The following EDARADD variants were observed in gnomAD, a reference collection of about 807,000 sequenced individuals.
EDARADD encodes the protein ectodysplasin-A receptor-associated adapter protein.
Under a neutral mutation model 25.6 loss-of-function variants are expected in EDARADD, and 20 were observed. That is an observed-to-expected ratio of 0.78 (90% CI 0.55 to 1.14). The LOEUF is 1.14. EDARADD is among the 50% of genes most tolerant of loss of function. The pLI, the probability that EDARADD is intolerant of heterozygous loss-of-function variation, is 0.00. For missense variants in EDARADD, 225 were observed against 270.1 expected, an observed-to-expected ratio of 0.83 and a Z score of 1.17; for synonymous variants, 86 against 94.4, an observed-to-expected ratio of 0.91 and a Z score of 0.52.
chr1:236,368,688 C>T (rs1212930561), intron 3 of EDARADD, among the ~76,000 whole-genome samples: 1 of 152,176 alleles, frequency 6.6e-6, no homozygotes, highest in African/African-American at 2.4e-5. Flanking sequence ...GATCCATCCA[C>T]CTCGGCCTCC....
At position 236,483,823 on chromosome 1, in the gene EDARADD, A is replaced by G. The variant is rs61511776; in HGVS notation, c.*1174A>G. 2,273 of 1,436,348 alleles carry G rather than the reference A, an allele frequency of 1.6e-3. 39 individuals are homozygous for G. In the African/African-American group the frequency reaches 0.026, roughly 17 times the overall value. 89.0% of individuals were successfully genotyped at this position (1,436,348 alleles called of 1,614,324 possible). On this transcript the variant is annotated 3_prime_UTR_variant, in exon 6 of 6. Coordinates refer to ENST00000334232, the MANE Select transcript of EDARADD (RefSeq NM_145861.4). ...GCGTTTGCTCCCAACATCCTGGAGA[A>G]TAAAGAAGGCCTGGAGCTGCTGAAG...
intron 3 of EDARADD, among the ~76,000 whole-genome samples, chr1:236,360,537 G>GATTTTTTTTTTTT (rs1558100082): frequency 7.6e-6 from 1 of 131,266 alleles, no homozygotes. Flanking sequence ...TTAATTCACG[G>GATTTTTTTTTTTT]TTTTTTTTTT....
rs781199161 is a variant in EDARADD, at chr1:236,482,647, T to C, written c.646T>C (p.Ter216GlnextTer13). ...GCGTGGAGACCCCTCCAGGCACTTC[T>C]AGAGCTCTTCTTCTTCCTTCATTGG... The part of the protein sequence containing the change: ...RERGDPSRHF[*>Q] Residue 216 changes from the stop codon to glutamine (Q), a stop_lost, in exon 6 of 6, where the codon TAG (stop) becomes CAG (glutamine). Transcript: ENST00000334232. The C allele has an allele frequency of 2.5e-6, 4 of 1,611,648 alleles. No homozygotes were observed. The highest frequency in any genetic ancestry group is 1.7e-5 in the Admixed American group (1 of 60,008).
At position 236,395,002 on chromosome 1, in the gene EDARADD, T is replaced by C. The variant is rs1051913834; in HGVS notation, c.61+497T>C. Reference sequence around the variant, plus strand: ...AACTAATGCCAAAGAAAAATCAAAATAGAAAGTACCAGCGTGTGCCATCAT... The same window carrying C: ...AACTAATGCCAAAGAAAAATCAAAACAGAAAGTACCAGCGTGTGCCATCAT... On this transcript the variant is annotated intron_variant, in intron 1 of 5. Transcript: ENST00000334232. This position sits in a 1 kb window ranked among gnomAD's most constrained non-coding sequence, Gnocchi z 6.9. Among the ~76,000 whole-genome samples the C allele has an allele frequency of 5.9e-5, 9 of 152,170 alleles. No individual in the cohort carries two copies. Among genetic ancestry groups the C allele is most frequent in the Admixed American group, 2.0e-4 (3 of 15,288 alleles).
At position 236,483,537 on chromosome 1, in the gene EDARADD, G is replaced by A. The variant is rs1389330004; in HGVS notation, c.*888G>A. On this transcript the variant is annotated 3_prime_UTR_variant, in exon 6 of 6. Transcript: ENST00000334232. ...CGCTGCCTGCAAAGCTAGTGCTGTT[G>A]AGAAGGGGGTTCCCCTGTACCACCA... 24 of 1,119,022 alleles carry A rather than the reference G, an allele frequency of 2.1e-5. No individual in the cohort carries two copies. The highest frequency in any genetic ancestry group is 2.9e-5 in the Non-Finnish European group (21 of 731,176). 69.3% of individuals were successfully genotyped at this position (1,119,022 alleles called of 1,614,324 possible). A position where few individuals can be genotyped will look rare whatever the true frequency, so the allele number is the denominator to read the frequency against.
chr1:236,483,108 C>T lies in EDARADD; in HGVS notation c.*459C>T. 3 of 1,172,194 alleles carry T rather than the reference C, an allele frequency of 2.6e-6. No homozygotes were observed. The highest frequency in any genetic ancestry group is 3.8e-6 in the Non-Finnish European group (3 of 795,424). 72.6% of individuals were successfully genotyped at this position (1,172,194 alleles called of 1,614,324 possible). On this transcript the variant is annotated 3_prime_UTR_variant, in exon 6 of 6. Transcript: ENST00000334232. ...CTACAAGGAATGCTTACCTGAGTGTCTGCAGCACCCTCCACTTCTCTCCTA... is the reference window on the plus strand; with the variant it reads ...CTACAAGGAATGCTTACCTGAGTGTTTGCAGCACCCTCCACTTCTCTCCTA...
intron 1 of EDARADD, among the ~76,000 whole-genome samples, chr1:236,407,339 A>C (rs931863742): frequency 3.3e-5 from 5 of 152,120 alleles, no homozygotes. Context: ...ATCCTGCTCC[A>C]TGGGAGGCAA....
At chr1:236,466,622 T>C (rs1659198108) in intron 4 of EDARADD, among the ~76,000 whole-genome samples, 2 of 152,118 alleles carry the variant, frequency 1.3e-5, no homozygotes, top group Admixed American at 6.6e-5. Context: ...TGGTAACACA[T>C]GGGAATGTGC....
intron 3 of EDARADD, among the ~76,000 whole-genome samples, chr1:236,359,268 A>G (rs1248067415): frequency 6.6e-6 from 1 of 152,200 alleles, no homozygotes; most frequent in Non-Finnish European, 1.5e-5. Flanking sequence ...AAATTCCTAT[A>G]TTAAAAATGT....
At chr1:236,393,902 TA>T (rs1408149136), upstream of EDARADD, among the ~76,000 whole-genome samples, 1 of 150,634 alleles carries the variant, frequency 6.6e-6, no homozygotes, top group Non-Finnish European at 1.5e-5. Flanking sequence ...ATGGGAAAAA[TA>T]AAGGTAATGA....
chr1:236,415,020 G>A (rs562398340), intron 3 of EDARADD, among the ~76,000 whole-genome samples: 1 of 152,272 alleles, frequency 6.6e-6, no homozygotes, highest in East Asian at 1.9e-4. Flanking sequence ...TTCCCCCCGT[G>A]GAGGGAAAGA....
intron 4 of EDARADD, among the ~76,000 whole-genome samples, chr1:236,454,074 C>T (rs1658784726): frequency 6.6e-6 from 1 of 152,084 alleles, no homozygotes; most frequent in East Asian, 1.9e-4. Context: ...GAGACAGAGT[C>T]TCGCTCTGTT....
chr1:236,410,141 G>T (rs990519789), intron 2 of EDARADD, among the ~76,000 whole-genome samples: 1 of 151,782 alleles, frequency 6.6e-6, no homozygotes, highest in African/African-American at 2.4e-5. Flanking sequence ...GCTTTGTTAC[G>T]TGGATGCATA....
rs1008176755 is a variant in EDARADD at position 236,398,710 on chromosome 1, C to T, written c.61+4205C>T. Among the ~76,000 whole-genome samples the T allele has an allele frequency of 2.0e-5, 3 of 152,212 alleles. No homozygotes were observed. Among genetic ancestry groups the T allele is most frequent in the Non-Finnish European group, 2.9e-5 (2 of 68,040 alleles). On this transcript the variant is annotated intron_variant, in intron 1 of 5. Transcript: ENST00000334232. The surrounding 1 kb of genome is among the most constrained non-coding windows in gnomAD (Gnocchi z 4.1). ...GCCCTCACCCCATCCTCCACCCACCCGTTTCCTTCTACTTAACCTCCAGAT... is the reference window on the plus strand; with the variant it reads ...GCCCTCACCCCATCCTCCACCCACCTGTTTCCTTCTACTTAACCTCCAGAT...
At chr1:236,412,475 C>G (rs1356223778) in intron 2 of EDARADD, among the ~76,000 whole-genome samples, 1 of 152,174 alleles carries the variant, frequency 6.6e-6, no homozygotes, top group Admixed American at 6.5e-5. Flanking sequence ...CCACCTAAAT[C>G]CCTTTGCTTA....
chr1:236,409,135 G>T, intron 1 of EDARADD, 81 bp from the exon 2 acceptor site: 1 of 954,612 alleles, frequency 1.0e-6, no homozygotes, highest in Non-Finnish European at 1.6e-6. Flanking sequence ...CCTCTGTATA[G>T]AGACAGTTAT....
At chr1:236,406,949 A>G (rs1667750159) in intron 1 of EDARADD, among the ~76,000 whole-genome samples, 1 of 152,228 alleles carries the variant, frequency 6.6e-6, no homozygotes, top group African/African-American at 2.4e-5. Context: ...TCAGGGAGGC[A>G]TTAGCAACAC....
chr1:236,387,064 C>T (rs1428751459), intron 3 of EDARADD, among the ~76,000 whole-genome samples: 38 of 19,794 alleles, frequency 1.9e-3, no homozygotes, highest in South Asian at 8.5e-3. Flanking sequence ...GTCGGCCCCC[C>T]GCCCGGCCAG....
In EDARADD at chr1:236,398,910, T is replaced by C. The variant is rs183544585; in HGVS notation, c.61+4405T>C. ...GTCATGTCTGTGTGGTAGCTCTCCCTAACACTCAGCATAGTACTCCGCACA... is the reference window on the plus strand; with the variant it reads ...GTCATGTCTGTGTGGTAGCTCTCCCCAACACTCAGCATAGTACTCCGCACA... On this transcript the variant is annotated intron_variant, in intron 1 of 5. Coordinates refer to ENST00000334232, the MANE Select transcript of EDARADD (RefSeq NM_145861.4). The surrounding 1 kb of genome is among the most constrained non-coding windows in gnomAD (Gnocchi z 4.1). Among the ~76,000 whole-genome samples, 40 of 152,320 alleles carry C rather than the reference T, an allele frequency of 2.6e-4. No individual in the cohort carries two copies. Among genetic ancestry groups the C allele is most frequent in the African/African-American group, 8.9e-4 (37 of 41,574 alleles).
Sources: allele counts gnomAD v4.1 joint callset (sites outside exome capture counted in the v4.1 genomes callset), GRCh38; gene constraint gnomAD v4.1.1; non-coding constraint Gnocchi (gnomAD v3.1); transcripts MANE v1.5; gene names NCBI Gene and HGNC (gene_info 2026-07-23, HGNC 2026-07-21).